The following DMBT1 variants were observed in gnomAD, a reference collection of about 807,000 sequenced individuals.
DMBT1 encodes the protein scavenger receptor cysteine-rich domain-containing protein DMBT1.
A neutral mutation model predicts 252.9 loss-of-function variants in DMBT1; 198 were observed. That is an observed-to-expected ratio of 0.78 (90% confidence interval 0.70 to 0.88). The LOEUF (loss-of-function observed/expected upper bound fraction) is 0.88, where lower values mean the gene tolerates loss of function less well. DMBT1 is among the 40% of genes least tolerant of loss of function. The probability of loss-of-function intolerance (pLI) is 0.00; values close to 1 mark genes in which losing one functional copy is unlikely to be tolerated. For missense variants in DMBT1, 2,432 were observed against 2,404.7 expected, an observed-to-expected ratio of 1.01 and a Z score of -0.24; for synonymous variants, 990 against 942.7, an observed-to-expected ratio of 1.05 and a Z score of -0.92.
intron 52 of DMBT1, among the ~76,000 whole-genome samples, chr10:122,634,686 G>A (rs1299546193): frequency 1.3e-5 from 2 of 151,820 alleles, no homozygotes; most frequent in African/African-American, 4.8e-5. Flanking sequence ...TATTAGAGAC[G>A]GGGTTTCACC....
Position 122,585,319 on chromosome 10 carries a change from C to A in DMBT1, c.1459+10C>A. ...CCTGCATCGACAGTAGGTAAATAATCCTCTCGCCCCTCCCTAGGGCTCACT... is the reference window on the plus strand; with the variant it reads ...CCTGCATCGACAGTAGGTAAATAATACTCTCGCCCCTCCCTAGGGCTCACT... On this transcript the variant is annotated intron_variant, in intron 15 of 55. Coordinates refer to ENST00000338354, the MANE Select transcript of DMBT1 (RefSeq NM_001377530.1). 1 of 1,584,936 alleles carries A rather than the reference C, an allele frequency of 6.3e-7. No individual in the cohort carries two copies. The highest frequency in any genetic ancestry group is 8.6e-7 in the Non-Finnish European group (1 of 1,162,952).
intron 2 of DMBT1, among the ~76,000 whole-genome samples, chr10:122,567,827 T>G (rs2097612903): frequency 6.6e-6 from 1 of 152,166 alleles, no homozygotes; most frequent in Non-Finnish European, 1.5e-5. Context: ...CGAGGCTTGC[T>G]CTTGGACTTG....
Position 122,625,224 on chromosome 10 carries a change from G to C in DMBT1, c.5609-53G>C. The C allele has an allele frequency of 1.9e-6, 3 of 1,578,302 alleles. No homozygotes were observed. In the East Asian group the frequency reaches 6.7e-5, roughly 35 times the overall value. On this transcript the variant is annotated intron_variant, in intron 44 of 55. Coordinates refer to ENST00000338354, the MANE Select transcript of DMBT1 (RefSeq NM_001377530.1). Reference sequence around the variant, plus strand: ...GGGACAGGCACTCAGCATTTCTCTCGCTCATCATCCTGGGCACTGGGACTG... The same window carrying C: ...GGGACAGGCACTCAGCATTTCTCTCCCTCATCATCCTGGGCACTGGGACTG...
chr10:122,563,003 T>A (rs866526601), intron 1 of DMBT1, among the ~76,000 whole-genome samples: 6 of 152,348 alleles, frequency 3.9e-5, no homozygotes, highest in Middle Eastern at 3.4e-3. Context: ...CCCTTGCTGC[T>A]CCTTGCAGGG....
Position 122,560,840 on chromosome 10 carries a change from T to A in DMBT1, c.61+9T>A. Reference sequence around the variant, plus strand: ...ACAAGTTCTATCTACAGGTATTACGTTTAATTATTATATTCATTAATTTCT... The same window carrying A: ...ACAAGTTCTATCTACAGGTATTACGATTAATTATTATATTCATTAATTTCT... On this transcript the variant is annotated intron_variant, in intron 1 of 55. Coordinates refer to ENST00000338354, the MANE Select transcript of DMBT1 (RefSeq NM_001377530.1). The A allele has an allele frequency of 6.4e-7, 1 of 1,552,954 alleles. No homozygotes were observed. The highest frequency in any genetic ancestry group is 8.7e-7 in the Non-Finnish European group (1 of 1,144,530).
At chr10:122,625,124 C>A (rs554418049) in intron 44 of DMBT1, among the ~76,000 whole-genome samples, 153 bp from the exon 45 acceptor site, 2 of 152,294 alleles carry the variant, frequency 1.3e-5, no homozygotes, top group East Asian at 3.9e-4. Context: ...TTTTTTGAGA[C>A]TAACCGTTAA....
At position 122,586,471 on chromosome 10, in the gene DMBT1, T is replaced by A. The variant is rs1198548225; in HGVS notation, c.1783+88T>A. On this transcript the variant is annotated intron_variant, in intron 16 of 55. Coordinates refer to ENST00000338354, the MANE Select transcript of DMBT1 (RefSeq NM_001377530.1). ...ATGTTCTAATCTCCTCACTTAGAGC[T>A]TTTTCAACTTTTCCTATATTTCTGA... is the stretch of plus-strand genomic sequence containing the variant. The A allele has an allele frequency of 6.6e-6, 10 of 1,517,382 alleles. 1 individual carries two copies. Among genetic ancestry groups the A allele is most frequent in the Non-Finnish European group, 8.0e-6 (9 of 1,128,348 alleles). 94.0% of individuals were successfully genotyped at this position (1,517,382 alleles called of 1,614,324 possible).
At chr10:122,617,317 T>C (rs1176862327) in intron 40 of DMBT1, 57 bp downstream of exon 40, 26 of 1,571,058 alleles carry the variant, frequency 1.7e-5, no homozygotes, top group Middle Eastern at 1.7e-4. Flanking sequence ...TATTTTGTGT[T>C]TGAAACTGAT....
At chr10:122,565,313 CT>C (rs969039077) in intron 1 of DMBT1, among the ~76,000 whole-genome samples, 49 of 151,944 alleles carry the variant, frequency 3.2e-4, no homozygotes, top group African/African-American at 1.0e-3. Flanking sequence ...GAGTTTTATC[CT>C]TTTTTTTAAA....
intron 41 of DMBT1, among the ~76,000 whole-genome samples, chr10:122,618,993 T>C (rs2098032826): frequency 6.6e-6 from 1 of 152,238 alleles, no homozygotes; most frequent in Non-Finnish European, 1.5e-5. Flanking sequence ...GCATTTGGGC[T>C]GGAGTGGCCT....
chr10:122,620,271 A>C lies in DMBT1; in HGVS notation c.5264A>C (p.Asn1755Thr). The change falls in exon 43 of 56, where the codon AAC (asparagine) becomes ACC (threonine). Residue 1755 changes from asparagine (N) to threonine (T), a missense_variant. Asn to Thr is a moderately conservative substitution (Grantham distance 65). This residue lies in a region of DMBT1 where 1,162 missense variants were observed against 1,169.0 expected (regional missense o/e 0.99). Transcript: ENST00000338354. ...TTTACAGATACTTGGCTGACCACCA[A>C]CTTACCGGCATTGACAGTAGGTAAA... ...TPRPDTWLTTNLPALTVGSES... is the reference protein window; with the variant it reads ...TPRPDTWLTTTLPALTVGSES... 1.2e-6 allele frequency: 2 copies of C among 1,613,936 alleles called. No individual in the cohort carries two copies. Among genetic ancestry groups the C allele is most frequent in the South Asian group, 2.2e-5 (2 of 91,076 alleles).
At chr10:122,597,845 A>G in intron 24 of DMBT1, 129 bp from the exon 25 acceptor site, 3 of 1,392,784 alleles carry the variant, frequency 2.2e-6, no homozygotes, top group Admixed American at 1.7e-5. Context: ...GGGCAGACAC[A>G]TGGGGAGCAA....
chr10:122,593,060 G>A (rs1287706487), intron 20 of DMBT1, among the ~76,000 whole-genome samples: 2 of 148,734 alleles, frequency 1.3e-5, no homozygotes, highest in African/African-American at 4.9e-5. Flanking sequence ...AGGGTTAGGG[G>A]TGCAAATGGG....
intron 7 of DMBT1, 136 bp downstream of exon 7, chr10:122,576,858 C>A (rs2097716905): frequency 9.3e-7 from 1 of 1,072,742 alleles, no homozygotes; most frequent in Non-Finnish European, 1.3e-6. Context: ...CAAACCCCAT[C>A]TCTATTAAAA....
At chr10:122,574,097 T>G (rs1341621864) in intron 6 of DMBT1, among the ~76,000 whole-genome samples, 8 of 152,214 alleles carry the variant, frequency 5.3e-5, no homozygotes, top group Admixed American at 5.2e-4. Context: ...TCTGGATCTC[T>G]GGCTACAGGG....
intron 49 of DMBT1, 149 bp from the exon 50 acceptor site, chr10:122,631,706 G>C: frequency 3.9e-6 from 3 of 759,860 alleles, no homozygotes; most frequent in Non-Finnish European, 2.2e-6. Context: ...AGCTGGGAAG[G>C]CTTCTCAATA....
chr10:122,643,542 G>C lies in DMBT1; in HGVS notation c.*144G>C. On this transcript the variant is annotated 3_prime_UTR_variant, in exon 56 of 56. Transcript: ENST00000338354. ...GTCATACGGAGTTGAATCAGACCTG[G>C]TTCCCGCCTCCCCCAAGGCTCATGG... The C allele has an allele frequency of 8.3e-7, 1 of 1,203,436 alleles. No homozygotes were observed. The highest frequency in any genetic ancestry group is 1.1e-6 in the Non-Finnish European group (1 of 880,952). The allele number at this position is 1,203,436 out of a possible 1,614,324, so 74.5% of individuals were successfully genotyped here.
chr10:122,617,384 G>C (rs967265702), intron 40 of DMBT1, 124 bp downstream of exon 40: 11 of 1,226,214 alleles, frequency 9.0e-6, no homozygotes, highest in Middle Eastern at 2.0e-4. Context: ...TTGGGTGGGA[G>C]GAAGGTGGAG....
chr10:122,637,999 C>T (rs78631328), intron 54 of DMBT1, among the ~76,000 whole-genome samples: 7 of 152,236 alleles, frequency 4.6e-5, no homozygotes, highest in East Asian at 3.9e-4. Context: ...CCCCTACCAC[C>T]GATTTCTGTG....
Sources: allele counts gnomAD v4.1 joint callset (sites outside exome capture counted in the v4.1 genomes callset), GRCh38; gene constraint gnomAD v4.1.1; regional missense constraint gnomAD v4.1.1; transcripts MANE v1.5; gene names NCBI Gene and HGNC (gene_info 2026-07-23, HGNC 2026-07-21).